Variants in CFAP221 observed in about 807,000 individuals in gnomAD.
CFAP221 encodes the protein cilia- and flagella-associated protein 221.
In CFAP221, 97 loss-of-function variants were observed where a neutral mutation model predicts 113.1. The ratio of observed to expected loss-of-function variants is 0.86; its 90% confidence interval spans 0.73 to 1.02. The LOEUF is 1.02. CFAP221 is among the 50% of genes least tolerant of loss of function. CFAP221 has a pLI of 0.00. For synonymous variants in CFAP221, 331 were observed against 354.4 expected (o/e 0.93, Z 0.74); for missense variants, 1,025 against 1,013.4 (o/e 1.01, Z -0.16).
rs771506083 is a variant in CFAP221, at chr2:119,630,924, C to G, written c.1974+23C>G. 6.2e-6 allele frequency: 10 copies of G among 1,607,864 alleles called. No homozygotes were observed. The African/African-American group carries it at 1.2e-4, about 19-fold the overall frequency. ...TTTGTAAGTGACAACTGGCAGAAGC[C>G]TTGTTTTCTGTGTTCCTTTATTTCA... On this transcript the variant is annotated intron_variant, in intron 19 of 23. Transcript: ENST00000413369.
At chr2:119,578,381 T>C (rs1452502681) in intron 6 of CFAP221, among the ~76,000 whole-genome samples, 1 of 152,236 alleles carries the variant, frequency 6.6e-6, no homozygotes, top group Non-Finnish European at 1.5e-5. Context: ...CAGGCTCGGA[T>C]TATTTCCTGA....
intron 21 of CFAP221, among the ~76,000 whole-genome samples, chr2:119,644,994 C>CCCCCCCCA (rs1687712208): frequency 8.0e-6 from 1 of 125,506 alleles, no homozygotes; most frequent in African/African-American, 3.1e-5. Context: ...TTTCCAGGTC[C>CCCCCCCCA]CCCCCCCCAC....
At chr2:119,546,324 C>A (rs1680049151) in intron 2 of CFAP221, 54 bp downstream of exon 2, 1 of 1,506,630 alleles carries the variant, frequency 6.6e-7, no homozygotes, top group South Asian at 1.2e-5. Flanking sequence ...CCAGGCGAGC[C>A]AAAGTCCAGA....
At chr2:119,585,012 G>C (rs1683111493) in intron 6 of CFAP221, among the ~76,000 whole-genome samples, 1 of 152,174 alleles carries the variant, frequency 6.6e-6, no homozygotes, top group Non-Finnish European at 1.5e-5. Flanking sequence ...CATTGCAATA[G>C]TGAAAAAATG....
At chr2:119,578,588 T>C (rs1682616856) in intron 6 of CFAP221, among the ~76,000 whole-genome samples, 1 of 152,232 alleles carries the variant, frequency 6.6e-6, no homozygotes, top group African/African-American at 2.4e-5. Flanking sequence ...CCACATGTTA[T>C]TGTCTATGTT....
rs181434451 is a variant in CFAP221, at chr2:119,648,543, G to A, written c.2318+1493G>A. 842 of 204,266 alleles carry A rather than the reference G, an allele frequency of 4.1e-3. 4 individuals are homozygous for A. The highest frequency in any genetic ancestry group is 7.4e-3 in the Non-Finnish European group (626 of 84,724). 12.7% of individuals were successfully genotyped at this position (204,266 alleles called of 1,614,324 possible). A position where few individuals can be genotyped will look rare whatever the true frequency, so the allele number is the denominator to read the frequency against. ...GACAAGAGCTCCGGCACATTAGGAA[G>A]ACTCTTGGTCCCAGAGTTCCTCCCT... On this transcript the variant is annotated intron_variant, in intron 22 of 23. Transcript: ENST00000413369.
chr2:119,628,294 GGTGTGTGTGTGTGT>G (rs70949303), intron 16 of CFAP221, among the ~76,000 whole-genome samples: 2 of 137,490 alleles, frequency 1.5e-5, no homozygotes, highest in African/African-American at 5.5e-5. Context: ...CTCTCTGGGG[GGTGTGTGTGTGTGT>G]GTGTGTGTGT....
intron 7 of CFAP221, among the ~76,000 whole-genome samples, chr2:119,597,506 C>G (rs1274199612): frequency 6.6e-6 from 1 of 152,166 alleles, no homozygotes; most frequent in Non-Finnish European, 1.5e-5. Flanking sequence ...CCCAAAGTCA[C>G]CAAGCTAGAG....
At chr2:119,637,633 G>A (rs1206291655) in intron 19 of CFAP221, among the ~76,000 whole-genome samples, 3 of 151,982 alleles carry the variant, frequency 2.0e-5, no homozygotes, top group Non-Finnish European at 4.4e-5. Flanking sequence ...TGAGAGAACA[G>A]TAAAAGGCTC....
At chr2:119,595,438 C>T (rs999581100) in intron 7 of CFAP221, among the ~76,000 whole-genome samples, 6 of 152,152 alleles carry the variant, frequency 3.9e-5, no homozygotes, top group Non-Finnish European at 5.9e-5. Flanking sequence ...TTTTACCCTT[C>T]TTTTCCTTAT....
At chr2:119,626,008 A>T (rs926191858) in intron 15 of CFAP221, among the ~76,000 whole-genome samples, 1 of 152,184 alleles carries the variant, frequency 6.6e-6, no homozygotes, top group Non-Finnish European at 1.5e-5. Context: ...GGAGGTCAGA[A>T]GTCTAAAACC....
rs548768399 is a variant in CFAP221 at position 119,640,023 on chromosome 2, A to G, written c.2225+151A>G. ...TAGTCAAAGAAATTTGATGATGTGTAACTGATTTTCATATTTGGAATTTAT... is the reference window on the plus strand; with the variant it reads ...TAGTCAAAGAAATTTGATGATGTGTGACTGATTTTCATATTTGGAATTTAT... On this transcript the variant is annotated intron_variant, in intron 21 of 23. Coordinates refer to ENST00000413369, the MANE Select transcript of CFAP221 (RefSeq NM_001271049.2). 8 of 645,028 alleles carry G rather than the reference A, an allele frequency of 1.2e-5. No homozygotes were observed. In the African/African-American group the frequency reaches 1.5e-4, roughly 12 times the overall value. 40.0% of individuals were successfully genotyped at this position (645,028 alleles called of 1,614,324 possible). A position where few individuals can be genotyped will look rare whatever the true frequency, so the allele number is the denominator to read the frequency against.
Position 119,630,640 on chromosome 2 carries a change from C to A in CFAP221, c.1802C>A (p.Pro601His). Residue 601 changes from proline to histidine, a missense_variant, in exon 18 of 24, where the codon CCT becomes CAT. Physicochemically the swap from Pro to His is moderately conservative, Grantham distance 77. Transcript: ENST00000413369. ...CACAAGTCTTCAACAAGTTACAGACCTCAAAAGCTTGCCCGAGCCCTAAAG... is the reference window on the plus strand; with the variant it reads ...CACAAGTCTTCAACAAGTTACAGACATCAAAAGCTTGCCCGAGCCCTAAAG... Reference protein sequence around the residue: ...SVHKSSTSYRPQKLARALKQG... With the variant: ...SVHKSSTSYRHQKLARALKQG... 6.2e-7 allele frequency: 1 copy of A among 1,613,930 alleles called. No homozygotes were observed. Among genetic ancestry groups the A allele is most frequent in the Non-Finnish European group, 8.5e-7 (1 of 1,179,816 alleles).
chr2:119,657,343 T>G (rs1157672286), downstream of CFAP221, among the ~76,000 whole-genome samples: 1 of 152,140 alleles, frequency 6.6e-6, no homozygotes, highest in African/African-American at 2.4e-5. Flanking sequence ...ATTTCTGAAC[T>G]TCATTTTCCC....
chr2:119,647,032 G>C lies in CFAP221; in HGVS notation c.2300G>C (p.Arg767Thr). The C allele has an allele frequency of 6.2e-7, 1 of 1,605,724 alleles. No homozygotes were observed. ...AILDALPEED[R>T]LETVERELCE... is the part of the protein sequence containing the mutation. The stretch of plus-strand genomic sequence containing the variant: ...CTTGATGCCTTACCAGAAGAGGACA[G>C]ACTAGAAACAGTAGAACGGTATTTT... The change falls in exon 22 of 24, where the codon AGA (arginine) becomes ACA (threonine). Residue 767 changes from arginine to threonine, a missense_variant. Coordinates refer to ENST00000413369, the MANE Select transcript of CFAP221 (RefSeq NM_001271049.2).
downstream of CFAP221, among the ~76,000 whole-genome samples, chr2:119,658,854 G>T (rs777836265): frequency 5.9e-5 from 9 of 151,968 alleles, no homozygotes; most frequent in Non-Finnish European, 8.8e-5. Flanking sequence ...AGCCAGGCAT[G>T]GTGGCAAACA....
chr2:119,546,470 T>G (rs1680059735), intron 2 of CFAP221, among the ~76,000 whole-genome samples, 200 bp downstream of exon 2: 1 of 152,238 alleles, frequency 6.6e-6, no homozygotes, highest in Non-Finnish European at 1.5e-5. Context: ...TGTAAATTAA[T>G]CAAGTTCTGT....
At chr2:119,584,597 A>G (rs892536937) in intron 6 of CFAP221, among the ~76,000 whole-genome samples, 8 of 152,100 alleles carry the variant, frequency 5.3e-5, no homozygotes, top group Admixed American at 1.3e-4. Context: ...AAAAAAAAAA[A>G]AGAAGAATTT....
intron 6 of CFAP221, among the ~76,000 whole-genome samples, chr2:119,573,833 CT>C (rs1682239118): frequency 6.6e-6 from 1 of 152,186 alleles, no homozygotes; most frequent in Non-Finnish European, 1.5e-5. Context: ...GACCCAGTCT[CT>C]TTTATGAATT....
Sources: allele counts gnomAD v4.1 joint callset (sites outside exome capture counted in the v4.1 genomes callset), GRCh38; gene constraint gnomAD v4.1.1; transcripts MANE v1.5; gene names NCBI Gene and HGNC (gene_info 2026-07-23, HGNC 2026-07-21).